Variants in PHF12 observed in about 807,000 individuals in gnomAD.
PHF12 encodes the protein PHD finger protein 12.
In PHF12, 6 loss-of-function variants were observed where a neutral mutation model predicts 99.8. The ratio of observed to expected loss-of-function variants is 0.06; its 90% CI spans 0.03 to 0.12. PHF12 has a LOEUF of 0.12. PHF12 is among the 10% of genes least tolerant of loss of function. The probability of loss-of-function intolerance (pLI) is 1.00; values close to 1 mark genes in which losing one functional copy is unlikely to be tolerated. For synonymous variants in PHF12, 480 were observed against 514.9 expected (o/e 0.93, Z 0.92); for missense variants, 954 against 1,300.1 (o/e 0.73, Z 4.09).
chr17:28,930,382 A>G (rs1479379092), intron 2 of PHF12, among the ~76,000 whole-genome samples: 1 of 152,194 alleles, frequency 6.6e-6, no homozygotes, highest in Non-Finnish European at 1.5e-5. Flanking sequence ...CACCCTGTAC[A>G]ATGCCTGGCA....
At chr17:28,932,149 T>G (rs1040620410) in intron 2 of PHF12, among the ~76,000 whole-genome samples, 2 of 152,134 alleles carry the variant, frequency 1.3e-5, no homozygotes, top group African/African-American at 4.8e-5. Context: ...ATCTTTTTTT[T>G]GAGGCAGGGT....
chr17:28,908,772 G>A lies in PHF12; in HGVS notation c.2458+11C>T, dbSNP rs756293127. ...GATTCAGTGTCTCTCCCAGCTTCCT[G>A]GCTGGCTCACCTGTCCCGATGTAGA... On this transcript the variant is annotated intron_variant, in intron 12 of 14. Coordinates refer to ENST00000332830, the MANE Select transcript of PHF12 (RefSeq NM_001033561.2). The A allele has an allele frequency of 5.0e-6, 8 of 1,612,754 alleles. No homozygotes were observed. In the Admixed American group the frequency reaches 1.3e-4, roughly 27 times the overall value.
At position 28,951,125 on chromosome 17, in the gene PHF12, C is replaced by G; in HGVS notation, c.-165G>C. ...CCCCCCACCCCCCGGCCCCCAGTCC[C>G]CGGGACGACAGCGTCCTCCCGACGG... On this transcript the variant is annotated 5_prime_UTR_variant, in exon 1 of 15. Coordinates refer to ENST00000332830, the MANE Select transcript of PHF12 (RefSeq NM_001033561.2). 6.9e-7 allele frequency: 1 copy of G among 1,445,742 alleles called. No homozygotes were observed. Among genetic ancestry groups the G allele is most frequent in the Non-Finnish European group, 9.1e-7 (1 of 1,102,056 alleles). 89.6% of individuals were successfully genotyped at this position (1,445,742 alleles called of 1,614,324 possible). A position where few individuals can be genotyped will look rare whatever the true frequency, so the allele number is the denominator to read the frequency against.
chr17:28,910,131 T>C (rs1330747371), intron 11 of PHF12, 95 bp downstream of exon 11: 4 of 1,555,274 alleles, frequency 2.6e-6, no homozygotes, highest in South Asian at 1.1e-5. Flanking sequence ...AGGTTTGAGA[T>C]ACTGGAAGCT....
chr17:28,907,756 A>T, intron 12 of PHF12, 84 bp from the exon 13 acceptor site: 1 of 1,349,506 alleles, frequency 7.4e-7, no homozygotes, highest in Non-Finnish European at 1.1e-6. Context: ...ACAGGGAGAG[A>T]GTTAGCTTCT....
chr17:28,950,765 A>G lies in PHF12; in HGVS notation c.66+130T>C, dbSNP rs892558082. On this transcript the variant is annotated intron_variant, in intron 1 of 14. Coordinates refer to ENST00000332830, the MANE Select transcript of PHF12 (RefSeq NM_001033561.2). The surrounding 1 kb of genome is among the most constrained non-coding windows in gnomAD (Gnocchi z 5.7). ...CCTAAATTGCAAAGAGGGGAGGGAG[A>G]GGCTAGGTGAGGAAGAATCCCCCTC... is the stretch of plus-strand genomic sequence containing the variant. The G allele has an allele frequency of 3.8e-6, 5 of 1,315,240 alleles. No individual in the cohort carries two copies. In the Admixed American group the frequency reaches 1.1e-4, roughly 28 times the overall value. The allele number at this position is 1,315,240 out of a possible 1,614,324, so 81.5% of individuals were successfully genotyped here.
intron 2 of PHF12, among the ~76,000 whole-genome samples, chr17:28,947,046 T>C (rs1419260741): frequency 1.3e-5 from 2 of 151,648 alleles, no homozygotes; most frequent in Non-Finnish European, 2.9e-5. Flanking sequence ...TGCAGTAGTG[T>C]GATCTCGGCT....
At chr17:28,923,572 C>T (rs528287619) in intron 4 of PHF12, among the ~76,000 whole-genome samples, 44 of 142,816 alleles carry the variant, frequency 3.1e-4, no homozygotes, top group African/African-American at 1.1e-3. Context: ...GCACGAGAAT[C>T]GCCTGAACCT....
chr17:28,913,420 T>C, intron 8 of PHF12, 143 bp from the exon 9 acceptor site: 1 of 1,427,458 alleles, frequency 7.0e-7, no homozygotes, highest in Non-Finnish European at 9.2e-7. Context: ...GCTTGACTCC[T>C]GATAGAATTC....
chr17:28,921,904 G>A (rs1874021884), intron 4 of PHF12, 96 bp from the exon 5 acceptor site: 1 of 1,541,426 alleles, frequency 6.5e-7, no homozygotes, highest in South Asian at 1.2e-5. Context: ...CAGATCTTAA[G>A]CATGTGTCAT....
At chr17:28,913,325 G>C (rs114594805) in intron 8 of PHF12, 48 bp from the exon 9 acceptor site, 1 of 1,554,258 alleles carries the variant, frequency 6.4e-7, no homozygotes, top group Admixed American at 1.8e-5. Context: ...GAGAGGCGCC[G>C]GTCCTTCCTG....
intron 7 of PHF12, among the ~76,000 whole-genome samples, chr17:28,915,056 G>A (rs1051182996): frequency 6.6e-6 from 1 of 152,168 alleles, no homozygotes; most frequent in Non-Finnish European, 1.5e-5. Flanking sequence ...CATGTCTAAG[G>A]TGCTATTAAA....
At chr17:28,930,562 C>T (rs1227246140) in intron 2 of PHF12, among the ~76,000 whole-genome samples, 1 of 152,180 alleles carries the variant, frequency 6.6e-6, no homozygotes, top group African/African-American at 2.4e-5. Context: ...TAAGTTACTA[C>T]ACAATGAGAC....
intron 8 of PHF12, 149 bp from the exon 9 acceptor site, chr17:28,913,426 A>G: frequency 7.0e-7 from 1 of 1,419,404 alleles, no homozygotes; most frequent in Non-Finnish European, 9.2e-7. Flanking sequence ...CTCCTGATAG[A>G]ATTCCATTTC....
intron 2 of PHF12, among the ~76,000 whole-genome samples, chr17:28,927,441 G>A (rs548350033): frequency 6.6e-6 from 1 of 152,298 alleles, no homozygotes; most frequent in Non-Finnish European, 1.5e-5. Flanking sequence ...CCCTTCAGGT[G>A]CTCTTCCCAC....
intron 2 of PHF12, among the ~76,000 whole-genome samples, chr17:28,936,649 T>G (rs1567968140): frequency 6.6e-6 from 1 of 152,194 alleles, no homozygotes; most frequent in Non-Finnish European, 1.5e-5. Flanking sequence ...AAATAAAACA[T>G]CAGTTGGACT....
intron 11 of PHF12, 76 bp downstream of exon 11, chr17:28,910,150 C>G (rs2039932567): frequency 1.3e-6 from 2 of 1,597,726 alleles, no homozygotes; most frequent in Non-Finnish European, 1.7e-6. Context: ...CTCAGATTCT[C>G]CATGGAGGCA....
rs888683987 is a variant in PHF12 at position 28,905,923 on chromosome 17, C to A, written c.*260G>T. On this transcript the variant is annotated 3_prime_UTR_variant, in exon 15 of 15. Coordinates refer to ENST00000332830, the MANE Select transcript of PHF12 (RefSeq NM_001033561.2). The stretch of plus-strand genomic sequence containing the variant: ...AGACCCTGGGTCTTTCCCTCCCTGC[C>A]CACGCTGTTCCTCAGCTCAGGTCTG... 1 of 364,626 alleles carries A rather than the reference C, an allele frequency of 2.7e-6. No individual in the cohort carries two copies. Among genetic ancestry groups the A allele is most frequent in the Non-Finnish European group, 4.9e-6 (1 of 204,772 alleles). 22.6% of individuals were successfully genotyped at this position (364,626 alleles called of 1,614,324 possible).
intron 5 of PHF12, among the ~76,000 whole-genome samples, chr17:28,921,152 G>C (rs1275885914): frequency 1.3e-5 from 2 of 151,776 alleles, no homozygotes; most frequent in Non-Finnish European, 2.9e-5. Flanking sequence ...CCAAAGTGTT[G>C]GGATTACAGG....
Sources: allele counts gnomAD v4.1 joint callset (sites outside exome capture counted in the v4.1 genomes callset), GRCh38; gene constraint gnomAD v4.1.1; non-coding constraint Gnocchi (gnomAD v3.1); transcripts MANE v1.5; gene names NCBI Gene and HGNC (gene_info 2026-07-23, HGNC 2026-07-21).